The following RBFOX1 variants were observed in gnomAD, a reference collection of about 807,000 sequenced individuals.
RBFOX1 encodes the protein RNA binding fox-1 homolog 1, also known as RNA binding protein fox-1 homolog 1.
In RBFOX1, 8 loss-of-function variants were observed where a neutral mutation model predicts 57.7. That is an observed-to-expected ratio of 0.14 (90% CI 0.08 to 0.25). The LOEUF (loss-of-function observed/expected upper bound fraction) is 0.25. Ranked by LOEUF, RBFOX1 falls within the 10% of genes least tolerant of loss-of-function variation. The pLI, the probability that RBFOX1 is intolerant of heterozygous loss-of-function variation, is 1.00. For missense variants in RBFOX1, 611 were observed against 548.5 expected, an observed-to-expected ratio of 1.11 and a Z score of -1.14; for synonymous variants, 326 against 222.4, an observed-to-expected ratio of 1.47 and a Z score of -4.15.
chr16:6,657,824 TTTTTA>T (rs113616956), intron 3 of RBFOX1, among the ~76,000 whole-genome samples: 7 of 152,046 alleles, frequency 4.6e-5, no homozygotes, highest in African/African-American at 1.2e-4. Context: ...TTTAAAGCTC[TTTTTA>T]TTTTATTTTA....
chr16:5,342,632 C>T (rs1467714381), intron 1 of RBFOX1, among the ~76,000 whole-genome samples: 1 of 152,178 alleles, frequency 6.6e-6, no homozygotes, highest in African/African-American at 2.4e-5. Flanking sequence ...CCACTGAGAA[C>T]AGTTCTTCCT....
intron 4 of RBFOX1, among the ~76,000 whole-genome samples, chr16:7,194,996 T>A (rs1220571699): frequency 1.3e-5 from 2 of 152,092 alleles, no homozygotes; most frequent in African/African-American, 4.8e-5. Flanking sequence ...TTATCGAGGT[T>A]AATAAAATTG....
At chr16:5,708,455 A>G (rs528847207) in intron 3 of RBFOX1, among the ~76,000 whole-genome samples, 1 of 152,282 alleles carries the variant, frequency 6.6e-6, no homozygotes, top group East Asian at 1.9e-4. Flanking sequence ...CAAACATTTA[A>G]TTTATAATTT....
chr16:7,025,126 C>A (rs1568421668), intron 3 of RBFOX1, among the ~76,000 whole-genome samples: 1 of 152,234 alleles, frequency 6.6e-6, no homozygotes, highest in South Asian at 2.1e-4. Flanking sequence ...AAAGAATGTC[C>A]ACTCCATAGA....
chr16:5,382,844 G>C (rs965438920), intron 1 of RBFOX1, among the ~76,000 whole-genome samples: 5 of 152,192 alleles, frequency 3.3e-5, no homozygotes, highest in African/African-American at 1.2e-4. Context: ...ATTTATTGGA[G>C]ATAATTTATG....
chr16:7,331,500 T>A (rs1367806091), intron 4 of RBFOX1, among the ~76,000 whole-genome samples: 1 of 152,182 alleles, frequency 6.6e-6, no homozygotes, highest in Non-Finnish European at 1.5e-5. Flanking sequence ...AATTTGATTG[T>A]TATCTGAGCC....
intron 4 of RBFOX1, among the ~76,000 whole-genome samples, chr16:5,895,939 T>G (rs2058154061): frequency 6.6e-6 from 1 of 152,218 alleles, no homozygotes; most frequent in Admixed American, 6.5e-5. Context: ...GAATGAAGTC[T>G]GTATTCCTGA....
At chr16:7,676,296 C>A (rs1032833771) in intron 13 of RBFOX1, among the ~76,000 whole-genome samples, 1 of 152,102 alleles carries the variant, frequency 6.6e-6, no homozygotes, top group Non-Finnish European at 1.5e-5. Flanking sequence ...TACTAATAAA[C>A]TTTCAATCAA....
At chr16:7,086,133 A>G (rs1344400358) in intron 4 of RBFOX1, among the ~76,000 whole-genome samples, 1 of 152,114 alleles carries the variant, frequency 6.6e-6, no homozygotes, top group South Asian at 2.1e-4. Flanking sequence ...TGATGGGACT[A>G]CCTATAGGCT....
intron 1 of RBFOX1, chr16:5,366,750 G>A: frequency 6.4e-6 from 2 of 314,672 alleles, no homozygotes; most frequent in South Asian, 3.3e-5. Flanking sequence ...TGTAACAGGT[G>A]ATATCTGGCT....
chr16:7,633,237 A>C (rs932680349), intron 11 of RBFOX1, among the ~76,000 whole-genome samples: 3 of 152,188 alleles, frequency 2.0e-5, no homozygotes, highest in Non-Finnish European at 4.4e-5. Context: ...TCCAATTTAA[A>C]GGGTCGATTT....
intron 4 of RBFOX1, among the ~76,000 whole-genome samples, chr16:7,193,672 C>G (rs956795154): frequency 1.3e-5 from 2 of 152,154 alleles, no homozygotes; most frequent in African/African-American, 2.4e-5. Flanking sequence ...TTAACTTGCT[C>G]GCTGTCACAG....
intron 5 of RBFOX1, among the ~76,000 whole-genome samples, chr16:7,541,880 A>T (rs1299317179): frequency 6.6e-6 from 1 of 152,226 alleles, no homozygotes; most frequent in African/African-American, 2.4e-5. Flanking sequence ...CTCCCAGGCC[A>T]TTCACAAGCC....
chr16:5,420,352 A>G (rs576878376), intron 1 of RBFOX1, among the ~76,000 whole-genome samples: 1 of 152,048 alleles, frequency 6.6e-6, no homozygotes, highest in Non-Finnish European at 1.5e-5. Flanking sequence ...TCAAAATAAC[A>G]CCGAAGGTTT....
intron 4 of RBFOX1, among the ~76,000 whole-genome samples, chr16:7,342,448 C>A (rs549881133): frequency 6.6e-6 from 1 of 152,186 alleles, no homozygotes; most frequent in Non-Finnish European, 1.5e-5. Context: ...CAGAAGGGAG[C>A]AATCCGATTT....
chr16:7,206,364 C>G (rs2089970166), intron 4 of RBFOX1, among the ~76,000 whole-genome samples: 2 of 151,812 alleles, frequency 1.3e-5, no homozygotes, highest in Admixed American at 6.6e-5. Flanking sequence ...CTAACATACC[C>G]CTTATAAATA....
chr16:6,283,143 A>C (rs1271493394), intron 1 of RBFOX1, among the ~76,000 whole-genome samples: 1 of 152,148 alleles, frequency 6.6e-6, no homozygotes, highest in African/African-American at 2.4e-5. Context: ...TCTGGGTAAC[A>C]TAGTGAGACT....
chr16:6,843,769 G>A (rs563559242), intron 3 of RBFOX1, among the ~76,000 whole-genome samples: 9 of 152,218 alleles, frequency 5.9e-5, no homozygotes, highest in South Asian at 4.2e-4. Flanking sequence ...ATTTAGGAAC[G>A]TATCCTTCAC....
At chr16:5,791,540 C>G (rs540123783) in intron 3 of RBFOX1, among the ~76,000 whole-genome samples, 1 of 152,082 alleles carries the variant, frequency 6.6e-6, no homozygotes, top group South Asian at 2.1e-4. Context: ...AACTGACAGG[C>G]AGGCAGCACA....
Sources: gnomAD v4.1 joint callset for allele counts (sites outside exome capture counted in the v4.1 genomes callset) on GRCh38, gnomAD v4.1.1 for gene constraint, MANE v1.5 for transcripts, NCBI Gene and HGNC (gene_info 2026-07-23, HGNC 2026-07-21) for gene names.